The following KLF12 variants were observed in gnomAD, a reference collection of about 807,000 sequenced individuals.
KLF12 encodes KLF transcription factor 12, also known as Krueppel-like factor 12.
KLF12 carries 9 observed loss-of-function variants against 37.8 expected under a neutral mutation model. The observed-to-expected ratio is 0.24, with a 90% CI of 0.14 to 0.42. The LOEUF (loss-of-function observed/expected upper bound fraction) is 0.42, where lower values mean the gene tolerates loss of function less well. Ranked by LOEUF, KLF12 falls within the 10% of genes least tolerant of loss-of-function variation. KLF12 has a pLI of 1.00. For missense variants in KLF12, 411 were observed against 516.0 expected, an observed-to-expected ratio of 0.80 and a Z score of 1.97; for synonymous variants, 208 against 202.1, an observed-to-expected ratio of 1.03 and a Z score of -0.25.
intron 1 of KLF12, among the ~76,000 whole-genome samples, chr13:74,083,603 A>G (rs1875072558): frequency 6.6e-6 from 1 of 152,030 alleles, no homozygotes; most frequent in Non-Finnish European, 1.5e-5. Flanking sequence ...CATAAATCCA[A>G]GTCTAAGATG....
intron 3 of KLF12, among the ~76,000 whole-genome samples, chr13:73,923,788 C>T (rs1217353976): frequency 3.3e-5 from 5 of 152,140 alleles, no homozygotes; most frequent in African/African-American, 4.8e-5. Flanking sequence ...GTAGGTCTGG[C>T]GTGGGAACCC....
intron 7 of KLF12, among the ~76,000 whole-genome samples, chr13:73,703,592 C>G (rs530767033): frequency 6.6e-6 from 1 of 152,236 alleles, no homozygotes; most frequent in Middle Eastern, 3.4e-3. Flanking sequence ...ACTGCATATT[C>G]TCTAATAAGT....
upstream of KLF12, among the ~76,000 whole-genome samples, chr13:74,137,745 AT>A (rs1039632738): frequency 6.6e-6 from 1 of 151,870 alleles, no homozygotes; most frequent in Non-Finnish European, 1.5e-5. Context: ...ATCTTTTTTT[AT>A]TTTTTATTTT....
chr13:74,023,668 AG>A (rs776512293), intron 1 of KLF12, among the ~76,000 whole-genome samples: 1 of 152,188 alleles, frequency 6.6e-6, no homozygotes, highest in Non-Finnish European at 1.5e-5. Flanking sequence ...ATTGGATTAA[AG>A]GCCACTCTAC....
chr13:74,135,460 C>G (rs1347393323), upstream of KLF12, among the ~76,000 whole-genome samples: 1 of 151,872 alleles, frequency 6.6e-6, no homozygotes, highest in Non-Finnish European at 1.5e-5. Flanking sequence ...GGGAGCGGAT[C>G]CGCGGGATTG....
chr13:73,947,307 C>T (rs1045418699), intron 2 of KLF12, among the ~76,000 whole-genome samples: 9 of 152,102 alleles, frequency 5.9e-5, no homozygotes, highest in Non-Finnish European at 1.2e-4. Flanking sequence ...TTGACCAATT[C>T]CATGTGCACG....
chr13:74,056,597 A>G (rs1873258788), intron 1 of KLF12, among the ~76,000 whole-genome samples: 1 of 152,224 alleles, frequency 6.6e-6, no homozygotes. Context: ...TGCCATGCTT[A>G]TTCTACAAAT....
chr13:74,237,486 T>C, the KLF12 span, among the ~76,000 whole-genome samples: 1 of 140,684 alleles, frequency 7.1e-6, no homozygotes. Context: ...AAGAAAGTCA[T>C]TGGTAGCTTG....
chr13:74,206,519 T>C, the KLF12 span, among the ~76,000 whole-genome samples: 1 of 152,194 alleles, frequency 6.6e-6, no homozygotes, highest in Non-Finnish European at 1.5e-5. Flanking sequence ...TTTTCTTCCA[T>C]TCTCTTTGTG....
At chr13:73,908,969 G>A (rs752410891) in intron 3 of KLF12, among the ~76,000 whole-genome samples, 2 of 152,098 alleles carry the variant, frequency 1.3e-5, no homozygotes, top group Admixed American at 6.5e-5. Context: ...ATGACAACAC[G>A]AGGTACAGTT....
At chr13:73,860,506 C>T (rs777548380) in intron 3 of KLF12, among the ~76,000 whole-genome samples, 1 of 151,990 alleles carries the variant, frequency 6.6e-6, no homozygotes, top group African/African-American at 2.4e-5. Context: ...AGGCCGAGAC[C>T]GAAGGGTTGC....
intron 7 of KLF12, among the ~76,000 whole-genome samples, chr13:73,702,014 C>CCACA (rs149619722): frequency 1.3e-5 from 2 of 151,810 alleles, no homozygotes; most frequent in African/African-American, 4.8e-5. Context: ...AGACGACATA[C>CCACA]CACACACACA....
At chr13:73,899,562 A>G (rs1887943397) in intron 3 of KLF12, among the ~76,000 whole-genome samples, 1 of 152,166 alleles carries the variant, frequency 6.6e-6, no homozygotes, top group East Asian at 1.9e-4. Context: ...TTCTGGGTAT[A>G]GCTATAGGGG....
chr13:74,033,922 G>T (rs910254146), intron 1 of KLF12, among the ~76,000 whole-genome samples: 2 of 150,418 alleles, frequency 1.3e-5, no homozygotes, highest in Non-Finnish European at 1.5e-5. Flanking sequence ...CTTCCATATG[G>T]CCATCTTTTT....
chr13:73,773,255 A>G (rs2138134246), intron 5 of KLF12, among the ~76,000 whole-genome samples: 1 of 152,134 alleles, frequency 6.6e-6, no homozygotes, highest in Middle Eastern at 3.4e-3. Context: ...AGAGAACAGG[A>G]CATCTTCTCG....
chr13:73,794,749 T>C (rs7988881), intron 5 of KLF12, among the ~76,000 whole-genome samples: 64,177 of 152,018 alleles, frequency 0.42, 14,663 homozygotes, highest in African/African-American at 0.6. Flanking sequence ...TCAATTACCC[T>C]ATATTCTTTC....
chr13:74,153,336 G>A, the KLF12 span, among the ~76,000 whole-genome samples: 263 of 152,236 alleles, frequency 1.7e-3, no homozygotes, highest in Middle Eastern at 3.4e-3. Context: ...ACCTGGGTGA[G>A]AAAAGATGTC....
intron 4 of KLF12, among the ~76,000 whole-genome samples, chr13:73,832,239 T>C (rs1884199382): frequency 6.6e-6 from 1 of 152,202 alleles, no homozygotes; most frequent in Non-Finnish European, 1.5e-5. Context: ...CATTATTTAC[T>C]CTTTTCCTGG....
At chr13:73,775,915 T>C (rs751353081) in intron 5 of KLF12, among the ~76,000 whole-genome samples, 10 of 152,354 alleles carry the variant, frequency 6.6e-5, no homozygotes, top group Non-Finnish European at 1.3e-4. Context: ...GAAGGTGTTA[T>C]AGCTCACTAA....
Sources: gnomAD v4.1 joint callset for allele counts (sites outside exome capture counted in the v4.1 genomes callset) on GRCh38, gnomAD v4.1.1 for gene constraint, MANE v1.5 for transcripts, NCBI Gene and HGNC (gene_info 2026-07-23, HGNC 2026-07-21) for gene names.